FBXO28: variants seen among roughly 807,000 people sequenced by gnomAD.
FBXO28 encodes F-box only protein 28.
FBXO28 carries 8 observed loss-of-function variants against 38.1 expected under a neutral mutation model. That is an observed-to-expected ratio of 0.21 (90% CI 0.12 to 0.38). The LOEUF is 0.38. Among genes scored for constraint, FBXO28 ranks in the 10% least tolerant of loss-of-function variants. The pLI is 1.00. For missense variants in FBXO28, 345 were observed against 460.6 expected (o/e 0.75, Z 2.30); for synonymous variants, 168 against 173.8 (o/e 0.97, Z 0.26).
rs535421520 is a variant in FBXO28 at position 224,118,386 on chromosome 1, TA to T, written c.267+3991del. On this transcript the variant is annotated intron_variant, in intron 1 of 4. Transcript: ENST00000366862. Reference sequence around the variant, plus strand: ...GCTTTTAAAAGATGTTTTAGAGAGATACTATCAATTTTTTTCCTCTGCGATT... The same window carrying T: ...GCTTTTAAAAGATGTTTTAGAGAGATCTATCAATTTTTTTCCTCTGCGATT... Among the ~76,000 whole-genome samples, 8 of 152,348 alleles carry T rather than the reference TA, an allele frequency of 5.3e-5. No homozygotes were observed. The East Asian group carries it at 1.5e-3, about 29-fold the overall frequency.
Position 224,130,516 on chromosome 1 carries a change from G to A in FBXO28, c.312G>A (p.Gln104=), listed in dbSNP as rs763941680. The A allele has an allele frequency of 3.1e-6, 5 of 1,613,854 alleles. No homozygotes were observed. Among genetic ancestry groups the A allele is most frequent in the Admixed American group, 1.7e-5 (1 of 59,990 alleles). Residue 104 remains glutamine (Q), a synonymous_variant, in exon 2 of 5, where the codon CAG becomes CAA. Coordinates refer to ENST00000366862, the MANE Select transcript of FBXO28 (RefSeq NM_015176.4). ...TGGTCTGCCAGAGAATGTTGAATCA[G>A]GGATTTCTGAAAGTGGAGAGGTACC... The part of the protein sequence containing the change: ...MDLVCQRMLN[Q]GFLKVERYHN...
intron 1 of FBXO28, among the ~76,000 whole-genome samples, chr1:224,114,996 A>C (rs1656613335): frequency 6.6e-6 from 1 of 152,168 alleles, no homozygotes; most frequent in Non-Finnish European, 1.5e-5. Context: ...TGACCACTAA[A>C]GTAGAGCCTT....
chr1:224,122,019 C>G (rs1656791594), intron 1 of FBXO28, among the ~76,000 whole-genome samples: 2 of 152,346 alleles, frequency 1.3e-5, no homozygotes, highest in African/African-American at 4.8e-5. Flanking sequence ...CGTGATCCAC[C>G]TGCCTTGGCC....
Position 224,114,236 on chromosome 1 carries a change from C to G in FBXO28, c.107C>G (p.Pro36Arg). ...SGSTQRQPPPPAPQHPQPGSQ... is the reference protein window; with the variant it reads ...SGSTQRQPPPRAPQHPQPGSQ... ...TCTACCCAGCGACAGCCTCCACCGC[C>G]CGCGCCACAGCACCCGCAGCCGGGG... Residue 36 changes from proline to arginine, a missense_variant, in exon 1 of 5, where the codon CCC (proline) becomes CGC (arginine). Physicochemically the swap from Pro to Arg is moderately radical, Grantham distance 103. Coordinates refer to ENST00000366862, the MANE Select transcript of FBXO28 (RefSeq NM_015176.4). The G allele has an allele frequency of 6.4e-7, 1 of 1,551,840 alleles. No individual in the cohort carries two copies. Among genetic ancestry groups the G allele is most frequent in the Non-Finnish European group, 8.7e-7 (1 of 1,147,906 alleles).
intron 4 of FBXO28, 116 bp from the exon 5 acceptor site, chr1:224,157,233 AAAG>A (rs1461463072): frequency 5.5e-6 from 7 of 1,272,226 alleles, no homozygotes; most frequent in African/African-American, 4.5e-5. Flanking sequence ...AATGGATTGC[AAAG>A]AAGAAGAAAT....
chr1:224,133,674 C>G (rs1394867083), intron 2 of FBXO28, among the ~76,000 whole-genome samples: 1 of 151,918 alleles, frequency 6.6e-6, no homozygotes, highest in Non-Finnish European at 1.5e-5. Context: ...TGCACCATCA[C>G]GCCTGGCTAA....
chr1:224,152,249 A>AGTGACAAGACTTCATTCCAATCC (rs1223879494), intron 3 of FBXO28, among the ~76,000 whole-genome samples: 1 of 152,168 alleles, frequency 6.6e-6, no homozygotes, highest in Non-Finnish European at 1.5e-5. Context: ...GTGACAAGGA[A>AGTGACAAGACTTCATTCCAATCC]GTGACAAGAC....
chr1:224,153,219 A>G lies in FBXO28; in HGVS notation c.594A>G (p.Gln198=). ...CTCAACGAGCTCATGAAGTACTTCA[A>G]GAATTAAGGGATATATCCTCTATGG... ...RAPQRAHEVL[Q]ELRDISSMAM... The change falls in exon 4 of 5, where the codon CAA becomes CAG. Residue 198 remains glutamine, a synonymous_variant. Transcript: ENST00000366862. 6.2e-7 allele frequency: 1 copy of G among 1,611,132 alleles called. No homozygotes were observed. Among genetic ancestry groups the G allele is most frequent in the Non-Finnish European group, 8.5e-7 (1 of 1,178,638 alleles).
intron 1 of FBXO28, among the ~76,000 whole-genome samples, chr1:224,117,165 A>T (rs1572002735): frequency 1.9e-4 from 23 of 122,190 alleles, no homozygotes; most frequent in African/African-American, 5.5e-4. Flanking sequence ...AATAAATTGG[A>T]TTTTTTTTTT....
Position 224,158,337 on chromosome 1 carries a change from C to A in FBXO28, c.*591C>A. 1 of 582,714 alleles carries A rather than the reference C, an allele frequency of 1.7e-6. No individual in the cohort carries two copies. The highest frequency in any genetic ancestry group is 2.2e-6 in the Non-Finnish European group (1 of 462,006). The allele number at this position is 582,714 out of a possible 1,614,324, so 36.1% of individuals were successfully genotyped here. On this transcript the variant is annotated 3_prime_UTR_variant, in exon 5 of 5. Coordinates refer to ENST00000366862, the MANE Select transcript of FBXO28 (RefSeq NM_015176.4). ...ATTGACTATATATTTTTATAAACTA[C>A]TGGCAAGGAACTTACCCAGCTGTTA...
chr1:224,117,030 A>G (rs1305467580), intron 1 of FBXO28, among the ~76,000 whole-genome samples: 2 of 152,082 alleles, frequency 1.3e-5, no homozygotes, highest in Non-Finnish European at 2.9e-5. Flanking sequence ...AAAATTAGCC[A>G]GGCATAATGG....
At chr1:224,146,300 G>A (rs540201526) in intron 3 of FBXO28, among the ~76,000 whole-genome samples, 1 of 151,902 alleles carries the variant, frequency 6.6e-6, no homozygotes, top group Non-Finnish European at 1.5e-5. Context: ...AAATATGGAG[G>A]AAATTTTTTT....
chr1:224,121,319 A>T (rs1029361912), intron 1 of FBXO28, among the ~76,000 whole-genome samples: 1 of 152,234 alleles, frequency 6.6e-6, no homozygotes, highest in African/African-American at 2.4e-5. Context: ...TAATTGTTAT[A>T]CTTAGACTGA....
At chr1:224,125,005 G>T (rs1187869885) in intron 1 of FBXO28, among the ~76,000 whole-genome samples, 2 of 152,132 alleles carry the variant, frequency 1.3e-5, no homozygotes, top group Non-Finnish European at 2.9e-5. Flanking sequence ...TTGTGTTTTT[G>T]TGCTGTTGGT....
At chr1:224,134,274 A>G (rs899479331) in intron 3 of FBXO28, 62 bp downstream of exon 3, 17 of 1,520,342 alleles carry the variant, frequency 1.1e-5, no homozygotes, top group Non-Finnish European at 1.5e-5. Context: ...TTATACAGTT[A>G]TGAATTTCTG....
chr1:224,159,826 T>C lies in FBXO28; in HGVS notation c.*2080T>C, dbSNP rs912670496. On this transcript the variant is annotated 3_prime_UTR_variant, in exon 5 of 5. Coordinates refer to ENST00000366862, the MANE Select transcript of FBXO28 (RefSeq NM_015176.4). ...ATGGTCATTCATGAACTATTAAAAATTTCCTGAATTTCTTTTTAAACTACA... is the reference window on the plus strand; with the variant it reads ...ATGGTCATTCATGAACTATTAAAAACTTCCTGAATTTCTTTTTAAACTACA... 12 of 152,212 alleles carry C rather than the reference T, an allele frequency of 7.9e-5. No individual in the cohort carries two copies. Among genetic ancestry groups the C allele is most frequent in the African/African-American group, 2.2e-4 (9 of 41,466 alleles). 9.4% of individuals were successfully genotyped at this position (152,212 alleles called of 1,614,324 possible).
At position 224,157,779 on chromosome 1, in the gene FBXO28, A is replaced by G; in HGVS notation, c.*33A>G. The G allele has an allele frequency of 6.4e-7, 1 of 1,564,390 alleles. No homozygotes were observed. The highest frequency in any genetic ancestry group is 8.6e-7 in the Non-Finnish European group (1 of 1,158,998). On this transcript the variant is annotated 3_prime_UTR_variant, in exon 5 of 5. Transcript: ENST00000366862. ...TGTGGTTCTAGTTCCAGAGGAAGAC[A>G]CAGCTTAGTAGCTTAAGCAGTTATG... is the stretch of plus-strand genomic sequence containing the variant.
chr1:224,150,345 CTTTTCCTA>C (rs1172708309), intron 3 of FBXO28, among the ~76,000 whole-genome samples: 9 of 152,098 alleles, frequency 5.9e-5, no homozygotes, highest in Non-Finnish European at 1.3e-4. Context: ...TACTGTGGTA[CTTTTCCTA>C]TATATAACCC....
At chr1:224,120,589 G>A (rs1325265757) in intron 1 of FBXO28, among the ~76,000 whole-genome samples, 2 of 152,136 alleles carry the variant, frequency 1.3e-5, no homozygotes, top group Non-Finnish European at 2.9e-5. Context: ...AGGGCTGGGC[G>A]TGGTGGCTCA....
Sources: allele counts gnomAD v4.1 joint callset (sites outside exome capture counted in the v4.1 genomes callset), GRCh38; gene constraint gnomAD v4.1.1; transcripts MANE v1.5; gene names NCBI Gene and HGNC (gene_info 2026-07-23, HGNC 2026-07-21).